Variants in RP1L1 observed in about 807,000 individuals in gnomAD.
The protein encoded by RP1L1 is retinitis pigmentosa 1-like 1 protein.
In RP1L1, 27 loss-of-function variants were observed where a neutral mutation model predicts 15.7. The observed-to-expected ratio is 1.72, with a 90% CI of 1.27 to 2.38. The LOEUF (loss-of-function observed/expected upper bound fraction) is 2.38. Ranked by LOEUF, RP1L1 falls within the 30% of genes most tolerant of loss-of-function variation. RP1L1 has a pLI of 0.00. For synonymous variants in RP1L1, 1,813 were observed against 1,276.7 expected (o/e 1.42, Z -8.96); for missense variants, 4,798 against 3,075.9 (o/e 1.56, Z -13.24).
At chr8:10,633,496 C>G (rs998003640) in intron 1 of RP1L1, among the ~76,000 whole-genome samples, 1 of 152,212 alleles carries the variant, frequency 6.6e-6, no homozygotes, top group East Asian at 1.9e-4. Flanking sequence ...CCACTCCCAT[C>G]CGTGCAACCT....
intron 2 of RP1L1, 137 bp from the exon 3 acceptor site, chr8:10,616,724 G>C: frequency 9.7e-7 from 1 of 1,033,862 alleles, no homozygotes; most frequent in Non-Finnish European, 1.4e-6. Flanking sequence ...CTGGTCCAAG[G>C]AGGGGTCTTA....
chr8:10,612,119 G>A lies in RP1L1; in HGVS notation c.1979C>T (p.Ala660Val). The change falls in exon 4 of 4, where the codon GCC becomes GTC. Residue 660 changes from alanine to valine, a missense_variant. Coordinates refer to ENST00000382483, the MANE Select transcript of RP1L1 (RefSeq NM_178857.6). Reference protein sequence around the residue: ...SPSSPGLGRVAPRGHPRHSHY... With the variant: ...SPSSPGLGRVVPRGHPRHSHY... ...AGAATGCCTGGGATGGCCTCTCGGG[G>A]CCACTCGGCCAAGGCCAGGGCTGCT... 6.2e-7 allele frequency: 1 copy of A among 1,613,728 alleles called. No homozygotes were observed. The highest frequency in any genetic ancestry group is 8.5e-7 in the Non-Finnish European group (1 of 1,180,036).
chr8:10,611,899 C>T lies in RP1L1; in HGVS notation c.2199G>A (p.Leu733=). The T allele has an allele frequency of 6.2e-7, 1 of 1,613,864 alleles. No homozygotes were observed. Among genetic ancestry groups the T allele is most frequent in the Non-Finnish European group, 8.5e-7 (1 of 1,180,032 alleles). The part of the protein sequence containing the change: ...SSGSLPSQDL[L]GTSSATVTPA... ...GGGTGACAGTGGCACTGCTGGTTCC[C>T]AGAAGGTCCTGGGAAGGAAGAGAGC... Residue 733 remains leucine, a synonymous_variant, in exon 4 of 4, where the codon CTG becomes CTA. Coordinates refer to ENST00000382483, the MANE Select transcript of RP1L1 (RefSeq NM_178857.6).
chr8:10,628,810 C>CA (rs931095177), intron 1 of RP1L1, among the ~76,000 whole-genome samples: 10 of 152,116 alleles, frequency 6.6e-5, no homozygotes, highest in Admixed American at 1.3e-4. Flanking sequence ...TGGAAACTGT[C>CA]AAAAAACAAA....
rs1050448361 is a variant in RP1L1, at chr8:10,621,504, T to G, written c.609+1089A>C. 16 of 321,722 alleles carry G rather than the reference T, an allele frequency of 5.0e-5. 1 individual carries two copies. Among genetic ancestry groups the G allele is most frequent in the South Asian group, 3.9e-4 (16 of 41,152 alleles). The allele number at this position is 321,722 out of a possible 1,614,324, so 19.9% of individuals were successfully genotyped here. The stretch of plus-strand genomic sequence containing the variant: ...ACACACCTGGCTAATTTTTGTATTT[T>G]TAGTAGATATAGGGTTTCGCCCTAT... On this transcript the variant is annotated intron_variant, in intron 2 of 3. Coordinates refer to ENST00000382483, the MANE Select transcript of RP1L1 (RefSeq NM_178857.6).
intron 1 of RP1L1, among the ~76,000 whole-genome samples, chr8:10,624,677 C>T (rs1472669507): frequency 6.7e-6 from 1 of 150,258 alleles, no homozygotes; most frequent in East Asian, 1.9e-4. Flanking sequence ...AGGTCGGAGG[C>T]TTCTTGCAAG....
At position 10,606,571 on chromosome 8, in the gene RP1L1, A is replaced by G. The variant is rs1797704979; in HGVS notation, c.*324T>C. On this transcript the variant is annotated 3_prime_UTR_variant, in exon 4 of 4. Coordinates refer to ENST00000382483, the MANE Select transcript of RP1L1 (RefSeq NM_178857.6). ...GAAAACAAACCCACAAACAAAAGCT[A>G]AACTGGAGCCTTTCCAATCAGTTCC... The G allele has an allele frequency of 2.9e-6, 1 of 343,842 alleles. No homozygotes were observed. Among genetic ancestry groups the G allele is most frequent in the Admixed American group, 4.6e-5 (1 of 21,694 alleles). 21.3% of individuals were successfully genotyped at this position (343,842 alleles called of 1,614,324 possible).
intron 1 of RP1L1, among the ~76,000 whole-genome samples, chr8:10,630,852 A>C (rs1264646940): frequency 7.9e-5 from 12 of 152,256 alleles, no homozygotes. Context: ...CGTGGTGTTA[A>C]GTCTACAACA....
Position 10,652,651 on chromosome 8 carries a change from T to C in RP1L1, c.-20+2247A>G, listed in dbSNP as rs570218454. 2.2e-4 allele frequency among the ~76,000 whole-genome samples: 33 copies of C among 152,066 alleles called. 1 individual carries two copies. Among genetic ancestry groups the C allele is most frequent in the Admixed American group, 1.7e-3 (26 of 15,296 alleles). On this transcript the variant is annotated intron_variant, in intron 1 of 3. Transcript: ENST00000382483. ...TGCTTTTGGCTACTTCATTTTACAA[T>C]TGATCCTTCTGTATTGAAGAAAAAA...
chr8:10,607,317 G>A lies in RP1L1; in HGVS notation c.6781C>T (p.Gln2261Ter). The change falls in exon 4 of 4, where the codon CAA (glutamine) becomes TAA (stop). Residue 2261 changes from glutamine (Q) to a stop codon, truncating the protein, a stop_gained. Transcript: ENST00000382483. LOFTEE classifies it low-confidence loss of function (END_TRUNC). ...GSPQVSLGDG[Q>*]SEEASESSSP... ...CTGCTTTCAGAAGCCTCCTCAGATTGGCCATCTCCTAGACTGACCTGAGGG... is the reference window on the plus strand; with the variant it reads ...CTGCTTTCAGAAGCCTCCTCAGATTAGCCATCTCCTAGACTGACCTGAGGG... The A allele has an allele frequency of 6.2e-7, 1 of 1,614,174 alleles. No homozygotes were observed. Among genetic ancestry groups the A allele is most frequent in the Non-Finnish European group, 8.5e-7 (1 of 1,180,034 alleles).
intron 1 of RP1L1, among the ~76,000 whole-genome samples, chr8:10,630,573 C>G (rs771753656): frequency 6.6e-6 from 1 of 152,162 alleles, no homozygotes; most frequent in Non-Finnish European, 1.5e-5. Flanking sequence ...TTTCCCAGCC[C>G]GTAGGGGAGC....
At position 10,612,336 on chromosome 8, in the gene RP1L1, C is replaced by A. The variant is rs200344135; in HGVS notation, c.1762G>T (p.Asp588Tyr). 1,094 of 1,613,072 alleles carry A rather than the reference C, an allele frequency of 6.8e-4. No individual in the cohort carries two copies. The highest frequency in any genetic ancestry group is 8.7e-4 in the Non-Finnish European group (1,032 of 1,180,028). The stretch of plus-strand genomic sequence containing the variant: ...TGTCCTTGCGTCTCTGCCTGCAGGT[C>A]GTCACTCCTTAAAGATGAAAGACTC... ...ALSLSSLRSD[D>Y]LQAETQGQGT... is the part of the protein sequence containing the mutation. The change falls in exon 4 of 4, where the codon GAC becomes TAC. Residue 588 changes from aspartate (D) to tyrosine (Y), a missense_variant. Physicochemically the swap from Asp to Tyr is radical, Grantham distance 160. Transcript: ENST00000382483.
At chr8:10,647,782 G>A (rs1423724511) in intron 1 of RP1L1, among the ~76,000 whole-genome samples, 1 of 152,136 alleles carries the variant, frequency 6.6e-6, no homozygotes, top group African/African-American at 2.4e-5. Context: ...TGGCTATTGT[G>A]AATAATGCTG....
chr8:10,611,357 C>G lies in RP1L1; in HGVS notation c.2741G>C (p.Ser914Thr), dbSNP rs1563123996. ...CAGCCCCCGAGACCCCGCACCCTGGCTGGCACTGCTTCTCCTTGATGCCCC... is the reference window on the plus strand; with the variant it reads ...CAGCCCCCGAGACCCCGCACCCTGGGTGGCACTGCTTCTCCTTGATGCCCC... ...NSGASRRSSA[S>T]QGAGSRGLSE... The change falls in exon 4 of 4, where the codon AGC (serine) becomes ACC (threonine). Residue 914 changes from serine (S) to threonine (T), a missense_variant. By Grantham distance (58) the Ser-to-Thr change is moderately conservative. Transcript: ENST00000382483. 6.2e-7 allele frequency: 1 copy of G among 1,611,176 alleles called. No homozygotes were observed. The highest frequency in any genetic ancestry group is 1.3e-5 in the African/African-American group (1 of 75,044).
At chr8:10,621,884 G>C (rs529184721) in intron 2 of RP1L1, 5 of 422,750 alleles carry the variant, frequency 1.2e-5, no homozygotes, top group African/African-American at 1.0e-4. Context: ...TGCAGACCCA[G>C]CTTCCAATTC....
chr8:10,651,382 C>A (rs1240568086), intron 1 of RP1L1, among the ~76,000 whole-genome samples: 2 of 152,066 alleles, frequency 1.3e-5, no homozygotes, highest in Non-Finnish European at 2.9e-5. Context: ...GGTCAAGGAC[C>A]AAGTGCTCTT....
At position 10,609,036 on chromosome 8, in the gene RP1L1, CA is replaced by C. The variant is rs1232863280; in HGVS notation, c.5061del (p.Phe1687LeufsTer48). 1.2e-6 allele frequency: 2 copies of C among 1,613,812 alleles called. 1 individual carries two copies. Among genetic ancestry groups the C allele is most frequent in the South Asian group, 2.2e-5 (2 of 91,056 alleles). ...TTCCTCTGCAGAATCTGCTGCAGGTCAAAGGCCTCTTTGATGGGACCTCTGG... is the reference window on the plus strand; with the variant it reads ...TTCCTCTGCAGAATCTGCTGCAGGTCAAGGCCTCTTTGATGGGACCTCTGG... ...GATRGPIKEA[F>X]DLQQILQRKR... On this transcript the variant is annotated frameshift_variant, in exon 4 of 4. Transcript: ENST00000382483. LOFTEE classifies it low-confidence loss of function (END_TRUNC).
rs779384018 is a variant in RP1L1, at chr8:10,610,768, C to T, written c.3330G>A (p.Arg1110=). 2 of 1,613,182 alleles carry T rather than the reference C, an allele frequency of 1.2e-6. No homozygotes were observed. The highest frequency in any genetic ancestry group is 2.2e-5 in the East Asian group (1 of 44,896). Residue 1110 remains arginine (R), a synonymous_variant, in exon 4 of 4, where the codon AGG becomes AGA. Transcript: ENST00000382483. Reference sequence around the variant, plus strand: ...TGAGGGCCCCGGCTGAGCAGCTGAGCCTCCTGGCCATGGGCCTAGACACTT... The same window carrying T: ...TGAGGGCCCCGGCTGAGCAGCTGAGTCTCCTGGCCATGGGCCTAGACACTT... ...VPEVSRPMAR[R]LSCSAGALIT...
rs751363787 is a variant in RP1L1, at chr8:10,612,948, G to T, written c.1150C>A (p.Pro384Thr). 2.5e-6 allele frequency: 4 copies of T among 1,613,008 alleles called. No homozygotes were observed. In the African/African-American group the frequency reaches 4.0e-5, roughly 16 times the overall value. ...WGFSEPGVWG[P>T]RPCRVGCREV... ...CTGCATCCCACCCTGCAGGGCCGGG[G>T]TCCCCACACCCCAGGCTCTGAGAAG... Residue 384 changes from proline to threonine, a missense_variant, in exon 4 of 4, where the codon CCC becomes ACC. Coordinates refer to ENST00000382483, the MANE Select transcript of RP1L1 (RefSeq NM_178857.6).
Sources: allele counts gnomAD v4.1 joint callset (sites outside exome capture counted in the v4.1 genomes callset), GRCh38; gene constraint gnomAD v4.1.1; transcripts MANE v1.5; gene names NCBI Gene and HGNC (gene_info 2026-07-23, HGNC 2026-07-21).